Variants in MYO10 observed in about 807,000 individuals in gnomAD.
MYO10 encodes myosin X.
Under a neutral mutation model 257.3 loss-of-function variants are expected in MYO10, and 133 were observed. The observed-to-expected ratio is 0.52, with a 90% CI of 0.45 to 0.60. The LOEUF is 0.60. Ranked by LOEUF, MYO10 falls within the 20% of genes least tolerant of loss-of-function variation. MYO10 has a pLI of 0.00. For synonymous variants in MYO10, 1,104 were observed against 1,028.6 expected, an observed-to-expected ratio of 1.07 and a Z score of -1.40; for missense variants, 2,399 against 2,635.7, an observed-to-expected ratio of 0.91 and a Z score of 1.97.
chr5:16,924,158 T>C (rs1304615129), intron 1 of MYO10, among the ~76,000 whole-genome samples: 1 of 152,224 alleles, frequency 6.6e-6, no homozygotes, highest in Admixed American at 6.5e-5. Context: ...CCAGGCAATG[T>C]ACAGCCTAGT....
At chr5:16,877,519 T>C (rs1744638453) in intron 2 of MYO10, 90 bp downstream of exon 2, 2 of 925,612 alleles carry the variant, frequency 2.2e-6, no homozygotes, top group South Asian at 1.4e-5. Context: ...AGCGTGTGTA[T>C]GTGTAGGGGG....
At chr5:16,783,814 T>A (rs1340013580) in intron 4 of MYO10, among the ~76,000 whole-genome samples, 1 of 152,230 alleles carries the variant, frequency 6.6e-6, no homozygotes, top group Non-Finnish European at 1.5e-5. Flanking sequence ...ACACCTCCAC[T>A]GTGTAAACGT....
intron 2 of MYO10, among the ~76,000 whole-genome samples, chr5:16,843,233 C>T (rs183736071): frequency 3.9e-5 from 6 of 152,176 alleles, no homozygotes; most frequent in South Asian, 2.1e-4. Flanking sequence ...ATGCTCCACG[C>T]CCCATTCTCC....
In MYO10 at chr5:16,932,009, C is replaced by T. The variant is rs948096668; in HGVS notation, c.21+3779G>A. Among the ~76,000 whole-genome samples the T allele has an allele frequency of 2.0e-5, 3 of 152,332 alleles. No homozygotes were observed. In the Middle Eastern group the frequency reaches 0.01, roughly 518 times the overall value. ...AACAACTCCAGATAACCAACCACAA[C>T]CACAGTCCCTTGTCAAGTTAAGTAG... On this transcript the variant is annotated intron_variant, in intron 1 of 40. Transcript: ENST00000513610.
chr5:16,821,022 T>C (rs1742784733), intron 2 of MYO10, among the ~76,000 whole-genome samples: 1 of 147,518 alleles, frequency 6.8e-6, no homozygotes, highest in Admixed American at 6.8e-5. Context: ...TATATCCTAA[T>C]ATATTATGTA....
chr5:16,688,918 C>T (rs990942173), intron 28 of MYO10, among the ~76,000 whole-genome samples: 4 of 152,144 alleles, frequency 2.6e-5, no homozygotes, highest in African/African-American at 9.7e-5. Flanking sequence ...GCTAAGTCTC[C>T]TTAATTTTGT....
At chr5:16,753,611 C>T (rs1740446227) in intron 19 of MYO10, among the ~76,000 whole-genome samples, 1 of 151,530 alleles carries the variant, frequency 6.6e-6, no homozygotes. Context: ...GCTGGGATTA[C>T]AGGCACGTGA....
chr5:16,926,101 T>A (rs144973105), intron 1 of MYO10, among the ~76,000 whole-genome samples: 1 of 152,176 alleles, frequency 6.6e-6, no homozygotes, highest in East Asian at 1.9e-4. Flanking sequence ...CCTGATGTGA[T>A]TATATGAAAG....
intron 19 of MYO10, among the ~76,000 whole-genome samples, 200 bp downstream of exon 19, chr5:16,754,628 A>G (rs140274577): frequency 6.6e-6 from 1 of 152,314 alleles, no homozygotes; most frequent in Admixed American, 6.5e-5. Context: ...CTAAAGCTTA[A>G]TAACATCACT....
intron 26 of MYO10, among the ~76,000 whole-genome samples, chr5:16,695,237 G>A (rs1737688946): frequency 6.6e-6 from 1 of 152,136 alleles, no homozygotes; most frequent in Admixed American, 6.5e-5. Context: ...GGGAGGCTGG[G>A]GTAGGACAAT....
chr5:16,904,823 G>A (rs891501272), intron 1 of MYO10, among the ~76,000 whole-genome samples: 8 of 152,086 alleles, frequency 5.3e-5, no homozygotes, highest in African/African-American at 1.9e-4. Flanking sequence ...CAGCTACTCG[G>A]GAGCCTGAGG....
intron 3 of MYO10, among the ~76,000 whole-genome samples, chr5:16,811,054 G>A (rs1217555190): frequency 7.4e-6 from 1 of 134,510 alleles, no homozygotes; most frequent in African/African-American, 3.0e-5. Context: ...GGGCGAAAGA[G>A]CAAGACTCTG....
intron 28 of MYO10, among the ~76,000 whole-genome samples, chr5:16,687,798 C>G (rs557607413): frequency 2.7e-4 from 41 of 152,176 alleles, no homozygotes; most frequent in South Asian, 1.7e-3. Context: ...AACAGCAAGA[C>G]TTCATTGCTT....
At chr5:16,876,832 G>A (rs1223142611) in intron 2 of MYO10, among the ~76,000 whole-genome samples, 4 of 152,270 alleles carry the variant, frequency 2.6e-5, no homozygotes, top group Non-Finnish European at 2.9e-5. Context: ...TGGGATTACC[G>A]GCGTGAGCCA....
intron 19 of MYO10, chr5:16,737,994 A>C: frequency 1.8e-6 from 1 of 568,714 alleles, no homozygotes; most frequent in Non-Finnish European, 2.2e-6. Flanking sequence ...TCAAAGTGCT[A>C]AACAGGTGAA....
intron 4 of MYO10, among the ~76,000 whole-genome samples, 192 bp from the exon 5 acceptor site, chr5:16,783,661 T>G (rs114125036): frequency 0.018 from 2,726 of 152,338 alleles, 73 homozygotes; most frequent in African/African-American, 0.062. Flanking sequence ...CCACATTGTG[T>G]CTGGCCTTAC....
Position 16,694,447 on chromosome 5 carries a change from G to T in MYO10, c.3724C>A (p.Arg1242Ser). The T allele has an allele frequency of 6.2e-7, 1 of 1,614,006 alleles. No homozygotes were observed. The highest frequency in any genetic ancestry group is 8.5e-7 in the Non-Finnish European group (1 of 1,179,904). The change falls in exon 27 of 41, where the codon CGC becomes AGC. Residue 1242 changes from arginine (R) to serine (S), a missense_variant. Around this residue, in one of 3 missense-constraint regions of MYO10, gnomAD observed 1,820 missense variants for 1,939.4 expected, o/e 0.94. Coordinates refer to ENST00000513610, the MANE Select transcript of MYO10 (RefSeq NM_012334.3). ...RNWKKRWFVL[R>S]QSKLMYFEND... ...TCAAAGTACATCAGCTTGGACTGGC[G>T]GAGGACAAACCAGCGCTTCTTCCAA...
chr5:16,781,977 G>T, intron 5 of MYO10, 148 bp from the exon 6 acceptor site: 3 of 989,640 alleles, frequency 3.0e-6, no homozygotes, highest in Non-Finnish European at 4.5e-6. Context: ...TTCCGGAAGA[G>T]CCAGATTTTC....
chr5:16,824,552 A>C (rs567584772), intron 2 of MYO10, among the ~76,000 whole-genome samples: 1 of 152,176 alleles, frequency 6.6e-6, no homozygotes, highest in African/African-American at 2.4e-5. Flanking sequence ...AATGCCTGTA[A>C]GTAAAACTTT....
Sources: allele counts gnomAD v4.1 joint callset (sites outside exome capture counted in the v4.1 genomes callset), GRCh38; gene constraint gnomAD v4.1.1; regional missense constraint gnomAD v4.1.1; transcripts MANE v1.5; gene names NCBI Gene and HGNC (gene_info 2026-07-23, HGNC 2026-07-21).